The following LRRTM4 variants were observed in gnomAD, a reference collection of about 807,000 sequenced individuals.
The protein encoded by LRRTM4 is leucine rich repeat transmembrane neuronal 4, also known as leucine-rich repeat transmembrane neuronal protein 4.
A neutral mutation model predicts 47.6 loss-of-function variants in LRRTM4; 25 were observed. The ratio of observed to expected loss-of-function variants is 0.53; its 90% confidence interval spans 0.38 to 0.73. The LOEUF is 0.73. LRRTM4 is among the 30% of genes least tolerant of loss of function. The probability of loss-of-function intolerance (pLI) is 0.00; values close to 1 mark genes in which losing one functional copy is unlikely to be tolerated. For synonymous variants in LRRTM4, 311 were observed against 269.5 expected (o/e 1.15, Z -1.51); for missense variants, 638 against 713.4 (o/e 0.89, Z 1.20).
intron 3 of LRRTM4, among the ~76,000 whole-genome samples, chr2:77,187,629 A>G (rs1673548947): frequency 6.6e-6 from 1 of 152,130 alleles, no homozygotes. Flanking sequence ...TATAATAATA[A>G]AAAAACAAAA....
At chr2:76,772,236 A>G (rs1195083439) in intron 3 of LRRTM4, among the ~76,000 whole-genome samples, 1 of 152,280 alleles carries the variant, frequency 6.6e-6, no homozygotes, top group African/African-American at 2.4e-5. Flanking sequence ...GAAGACGGCC[A>G]TCTATGAACC....
At chr2:77,276,809 G>A (rs1440986950) in intron 3 of LRRTM4, among the ~76,000 whole-genome samples, 2 of 147,622 alleles carry the variant, frequency 1.4e-5, no homozygotes, top group Non-Finnish European at 1.5e-5. Context: ...AGCTTAGAAG[G>A]AAGAACAGAG....
At chr2:77,466,266 G>C (rs920340447) in intron 3 of LRRTM4, among the ~76,000 whole-genome samples, 1 of 152,176 alleles carries the variant, frequency 6.6e-6, no homozygotes, top group Admixed American at 6.5e-5. Context: ...GCAGAATTCT[G>C]ATTTCTAAAA....
chr2:76,781,545 G>A (rs1674391278), intron 3 of LRRTM4, among the ~76,000 whole-genome samples: 1 of 152,208 alleles, frequency 6.6e-6, no homozygotes, highest in Non-Finnish European at 1.5e-5. Flanking sequence ...CCCTTTCTTT[G>A]ACTCAGAAAG....
At chr2:77,407,660 AT>A (rs1460529791) in intron 3 of LRRTM4, among the ~76,000 whole-genome samples, 13,255 of 140,496 alleles carry the variant, frequency 0.094, 993 homozygotes, top group African/African-American at 0.2. Flanking sequence ...TTATATAATT[AT>A]ATATAATAAT....
intron 3 of LRRTM4, among the ~76,000 whole-genome samples, chr2:76,991,685 G>A (rs1378816780): frequency 1.3e-5 from 2 of 151,526 alleles, no homozygotes; most frequent in South Asian, 4.1e-4. Flanking sequence ...GAAGGGCTCA[G>A]AGCCAAATTC....
chr2:76,800,990 A>G (rs13418858), intron 3 of LRRTM4, among the ~76,000 whole-genome samples: 72,322 of 140,302 alleles, frequency 0.52, 19,603 homozygotes, highest in East Asian at 0.64. Flanking sequence ...TTAGAATGGC[A>G]ATCATTAAAA....
At chr2:76,775,072 C>T (rs1673904748) in intron 3 of LRRTM4, among the ~76,000 whole-genome samples, 1 of 152,184 alleles carries the variant, frequency 6.6e-6, no homozygotes, top group South Asian at 2.1e-4. Flanking sequence ...AAACCCTCCC[C>T]TGACTTTTTG....
chr2:77,204,480 G>A (rs1674065071), intron 3 of LRRTM4, among the ~76,000 whole-genome samples: 1 of 151,884 alleles, frequency 6.6e-6, no homozygotes, highest in Admixed American at 6.6e-5. Context: ...TAAAGGCTGG[G>A]TTCCAGAAAC....
At chr2:76,899,354 T>C (rs12328409) in intron 3 of LRRTM4, among the ~76,000 whole-genome samples, 2,339 of 129,562 alleles carry the variant, frequency 0.018, 22 homozygotes, top group Non-Finnish European at 0.022. Flanking sequence ...CACACACACA[T>C]ATATATATAT....
chr2:77,131,216 G>A (rs1242211874), intron 3 of LRRTM4, among the ~76,000 whole-genome samples: 1 of 152,116 alleles, frequency 6.6e-6, no homozygotes, highest in Non-Finnish European at 1.5e-5. Flanking sequence ...GCTAAACAAA[G>A]CCGCAAGTAA....
At chr2:77,103,534 A>T (rs2103916104) in intron 3 of LRRTM4, among the ~76,000 whole-genome samples, 1 of 151,770 alleles carries the variant, frequency 6.6e-6, no homozygotes, top group Non-Finnish European at 1.5e-5. Flanking sequence ...CAAGTTTTGA[A>T]CTCTATACCA....
At chr2:77,193,025 C>T (rs865995960) in intron 3 of LRRTM4, among the ~76,000 whole-genome samples, 3 of 151,948 alleles carry the variant, frequency 2.0e-5, no homozygotes, top group South Asian at 2.1e-4. Flanking sequence ...ATGGTGGTCC[C>T]GTAAGATTAT....
intron 3 of LRRTM4, among the ~76,000 whole-genome samples, chr2:77,390,478 A>C (rs1573351291): frequency 6.6e-6 from 1 of 152,046 alleles, no homozygotes; most frequent in East Asian, 1.9e-4. Flanking sequence ...CAGTCAAGAA[A>C]CATCTTGAAT....
intron 3 of LRRTM4, among the ~76,000 whole-genome samples, chr2:76,959,408 T>C (rs756458419): frequency 1.3e-5 from 2 of 151,208 alleles, no homozygotes; most frequent in East Asian, 2.0e-4. Flanking sequence ...AAGACTGATA[T>C]CTAATAACTA....
At chr2:76,938,711 T>C (rs1675038898) in intron 3 of LRRTM4, among the ~76,000 whole-genome samples, 1 of 152,170 alleles carries the variant, frequency 6.6e-6, no homozygotes, top group Admixed American at 6.5e-5. Context: ...AATACACTTC[T>C]GTAATTGTTT....
chr2:77,431,255 A>G (rs1051125284), intron 3 of LRRTM4, among the ~76,000 whole-genome samples: 7 of 148,932 alleles, frequency 4.7e-5, no homozygotes. Flanking sequence ...ACTTCTATAA[A>G]TAATACAATT....
chr2:77,450,039 C>T (rs1676197151), intron 3 of LRRTM4, among the ~76,000 whole-genome samples: 1 of 152,014 alleles, frequency 6.6e-6, no homozygotes, highest in Non-Finnish European at 1.5e-5. Context: ...TGTTGTATTC[C>T]CAGCACCTAG....
intron 3 of LRRTM4, among the ~76,000 whole-genome samples, chr2:77,222,463 G>A (rs1674664967): frequency 6.6e-6 from 1 of 152,056 alleles, no homozygotes; most frequent in South Asian, 2.1e-4. Flanking sequence ...CTGCTAGCAA[G>A]GTTAATAAAG....
Sources: allele counts gnomAD v4.1 joint callset (sites outside exome capture counted in the v4.1 genomes callset), GRCh38; gene constraint gnomAD v4.1.1; transcripts MANE v1.5; gene names NCBI Gene and HGNC (gene_info 2026-07-23, HGNC 2026-07-21).